ESCO1: variants seen among roughly 807,000 people sequenced by gnomAD.
ESCO1 encodes the protein N-acetyltransferase ESCO1.
ESCO1 carries 33 observed loss-of-function variants against 83.5 expected under a neutral mutation model. That is an observed-to-expected ratio of 0.40 (90% CI 0.30 to 0.53). The LOEUF (loss-of-function observed/expected upper bound fraction) is 0.53. ESCO1 is among the 20% of genes least tolerant of loss of function. The pLI is 0.63. For synonymous variants in ESCO1, 332 were observed against 324.3 expected, an observed-to-expected ratio of 1.02 and a Z score of -0.25; for missense variants, 855 against 968.0, an observed-to-expected ratio of 0.88 and a Z score of 1.55.
At position 21,573,338 on chromosome 18, in the gene ESCO1, A is replaced by C; in HGVS notation, c.1506T>G (p.His502Gln). Residue 502 changes from histidine (H) to glutamine (Q), a missense_variant, in exon 4 of 12, where the codon CAT becomes CAG. Coordinates refer to ENST00000269214, the MANE Select transcript of ESCO1 (RefSeq NM_052911.3). ...CCTTATTTGATGCTGAATCAAAAGA[A>C]TGTTTCATCTGATTATCCAATGGTG... ...SDPPLDNQMK[H>Q]SFDSASNKNF... The C allele has an allele frequency of 1.9e-6, 3 of 1,578,458 alleles. No homozygotes were observed. Among genetic ancestry groups the C allele is most frequent in the East Asian group, 4.5e-5 (2 of 44,732 alleles).
chr18:21,588,099 C>CAAA (rs200101799), intron 1 of ESCO1, among the ~76,000 whole-genome samples: 1 of 82,670 alleles, frequency 1.2e-5, no homozygotes, highest in East Asian at 4.4e-4. Context: ...GGATCCATCT[C>CAAA]AAAAAAAAAA....
At chr18:21,583,585 G>C (rs1045964132) in intron 2 of ESCO1, among the ~76,000 whole-genome samples, 11 of 151,742 alleles carry the variant, frequency 7.2e-5, no homozygotes, top group African/African-American at 2.4e-4. Flanking sequence ...CAGAGGTCAT[G>C]GTGAGCCGAG....
intron 8 of ESCO1, among the ~76,000 whole-genome samples, chr18:21,551,010 G>T (rs541892088): frequency 3.3e-5 from 5 of 151,908 alleles, no homozygotes; most frequent in African/African-American, 1.2e-4. Context: ...TACTTGGGAG[G>T]CTGAGGCAGG....
chr18:21,592,458 C>T (rs2038688340), intron 1 of ESCO1, among the ~76,000 whole-genome samples: 2 of 138,660 alleles, frequency 1.4e-5, no homozygotes, highest in South Asian at 4.8e-4. Flanking sequence ...CCGGATGGGG[C>T]GGCTGGCCGG....
intron 2 of ESCO1, among the ~76,000 whole-genome samples, chr18:21,576,928 G>A (rs1263545617): frequency 1.3e-5 from 2 of 152,034 alleles, no homozygotes; most frequent in African/African-American, 2.4e-5. Context: ...AGCTACTCGG[G>A]AGGCTGAAGC....
At chr18:21,592,251 G>A (rs1201156775) in intron 1 of ESCO1, among the ~76,000 whole-genome samples, 20 of 151,142 alleles carry the variant, frequency 1.3e-4, no homozygotes, top group African/African-American at 4.6e-4. Flanking sequence ...GGGCGGCCGG[G>A]CAGAGGCGCC....
intron 4 of ESCO1, among the ~76,000 whole-genome samples, chr18:21,570,937 CT>C (rs1353568067): frequency 1.3e-5 from 2 of 151,120 alleles, no homozygotes; most frequent in East Asian, 3.9e-4. Context: ...AGATGCACCA[CT>C]GCACTCCAGC....
chr18:21,599,828 T>C (rs2038816819), intron 1 of ESCO1, among the ~76,000 whole-genome samples: 1 of 152,180 alleles, frequency 6.6e-6, no homozygotes, highest in South Asian at 2.1e-4. Context: ...TTCGAATTGT[T>C]GGACTTGCTA....
chr18:21,562,233 G>A (rs959748898), intron 7 of ESCO1, among the ~76,000 whole-genome samples: 3 of 152,174 alleles, frequency 2.0e-5, no homozygotes, highest in African/African-American at 2.4e-5. Flanking sequence ...GGTGGCTCAC[G>A]CTTGTAATCC....
At chr18:21,567,747 CAAAAG>C (rs1568103868) in intron 5 of ESCO1, among the ~76,000 whole-genome samples, 1 of 152,118 alleles carries the variant, frequency 6.6e-6, no homozygotes, top group African/African-American at 2.4e-5. Flanking sequence ...GTTTAAAAAA[CAAAAG>C]AACTTTTGGT....
At position 21,530,168 on chromosome 18, in the gene ESCO1, C is replaced by A; in HGVS notation, c.*175G>T. The A allele has an allele frequency of 4.6e-6, 2 of 434,280 alleles. No individual in the cohort carries two copies. The allele number at this position is 434,280 out of a possible 1,614,324, so 26.9% of individuals were successfully genotyped here. On this transcript the variant is annotated 3_prime_UTR_variant, in exon 12 of 12. Transcript: ENST00000269214. ...ATAATAAAATATCTTCTTTAAAAAA[C>A]AAAACAATAAGCTATTACTGCATTG...
intron 1 of ESCO1, among the ~76,000 whole-genome samples, chr18:21,587,843 GGATCA>G (rs2038603710): frequency 6.6e-6 from 1 of 151,954 alleles, no homozygotes; most frequent in African/African-American, 2.4e-5. Flanking sequence ...TGAGGCGGGA[GGATCA>G]CTTGAGGCCA....
rs1315626855 is a variant in ESCO1 at position 21,584,290 on chromosome 18, T to C, written c.-694+20A>G. 1 of 152,094 alleles carries C rather than the reference T, an allele frequency of 6.6e-6. No individual in the cohort carries two copies. Among genetic ancestry groups the C allele is most frequent in the East Asian group, 1.9e-4 (1 of 5,196 alleles). 9.4% of individuals were successfully genotyped at this position (152,094 alleles called of 1,614,324 possible). A position where few individuals can be genotyped will look rare whatever the true frequency, so the allele number is the denominator to read the frequency against. On this transcript the variant is annotated intron_variant, in intron 2 of 11. Coordinates refer to ENST00000269214, the MANE Select transcript of ESCO1 (RefSeq NM_052911.3). ...AATCATCTTGGAAGATACTAAATCA[T>C]AAAATTATATGCCACTTACCTTAAA...
chr18:21,600,358 C>A (rs2038826411), intron 1 of ESCO1, among the ~76,000 whole-genome samples: 1 of 152,266 alleles, frequency 6.6e-6, no homozygotes, highest in South Asian at 2.1e-4. Flanking sequence ...TGAACTTCGA[C>A]CGCCCAGCAA....
chr18:21,589,048 C>G (rs1013133233), intron 1 of ESCO1, among the ~76,000 whole-genome samples: 1 of 152,122 alleles, frequency 6.6e-6, no homozygotes, highest in African/African-American at 2.4e-5. Context: ...TTGAGACCAG[C>G]CTGGCCAACA....
chr18:21,553,317 T>C (rs1328563077), intron 8 of ESCO1, among the ~76,000 whole-genome samples: 6 of 151,776 alleles, frequency 4.0e-5, no homozygotes. Context: ...TAATTAAAAG[T>C]ATTTTTTGGA....
At chr18:21,563,925 A>AC (rs2038223458) in intron 7 of ESCO1, among the ~76,000 whole-genome samples, 1 of 151,552 alleles carries the variant, frequency 6.6e-6, no homozygotes, top group Non-Finnish European at 1.5e-5. Flanking sequence ...GGGTTAAAAA[A>AC]AAAAAAAAAG....
At chr18:21,598,196 C>CA (rs938732527) in intron 1 of ESCO1, among the ~76,000 whole-genome samples, 5 of 152,152 alleles carry the variant, frequency 3.3e-5, no homozygotes, top group Non-Finnish European at 7.4e-5. Flanking sequence ...TTAACTATTA[C>CA]AAAAAAATCC....
intron 1 of ESCO1, among the ~76,000 whole-genome samples, chr18:21,598,650 C>T (rs536733786): frequency 4.3e-4 from 65 of 151,712 alleles, no homozygotes; most frequent in African/African-American, 1.5e-3. Flanking sequence ...TGCAGTGAGC[C>T]GAGATCTCGC....
Sources: allele counts gnomAD v4.1 joint callset (sites outside exome capture counted in the v4.1 genomes callset), GRCh38; gene constraint gnomAD v4.1.1; transcripts MANE v1.5; gene names NCBI Gene and HGNC (gene_info 2026-07-23, HGNC 2026-07-21).